ARHGAP18: variants seen among roughly 807,000 people sequenced by gnomAD.
ARHGAP18 encodes the protein rho GTPase-activating protein 18.
A neutral mutation model predicts 86.2 loss-of-function variants in ARHGAP18; 67 were observed. The observed-to-expected ratio is 0.78, with a 90% CI of 0.64 to 0.95. The LOEUF is 0.95. Among genes scored for constraint, ARHGAP18 ranks in the 40% least tolerant of loss-of-function variants. The probability of loss-of-function intolerance (pLI) is 0.00; values close to 1 mark genes in which losing one functional copy is unlikely to be tolerated. For missense variants in ARHGAP18, 691 were observed against 780.4 expected (o/e 0.89, Z 1.37); for synonymous variants, 283 against 280.4 (o/e 1.01, Z -0.09).
chr6:129,614,423 T>C (rs577816748), intron 7 of ARHGAP18, among the ~76,000 whole-genome samples: 1 of 152,216 alleles, frequency 6.6e-6, no homozygotes, highest in South Asian at 2.1e-4. Context: ...TTATTTTTTA[T>C]AGAAACAAAA....
At chr6:129,676,485 C>T (rs1002492544) in intron 1 of ARHGAP18, among the ~76,000 whole-genome samples, 71 of 152,296 alleles carry the variant, frequency 4.7e-4, no homozygotes, top group African/African-American at 1.6e-3. Context: ...TGAGCCCTCA[C>T]ACCCCTGGCA....
chr6:129,702,480 CA>C (rs1021785736), intron 1 of ARHGAP18, among the ~76,000 whole-genome samples: 1 of 152,128 alleles, frequency 6.6e-6, no homozygotes, highest in African/African-American at 2.4e-5. Context: ...CCATCTCTCT[CA>C]AAATATTCGT....
chr6:129,664,425 C>G (rs1774004845), intron 1 of ARHGAP18, among the ~76,000 whole-genome samples: 1 of 150,168 alleles, frequency 6.7e-6, no homozygotes, highest in Non-Finnish European at 1.5e-5. Flanking sequence ...TTTTTTTCAA[C>G]TTTGAAATCC....
At chr6:129,647,789 C>T (rs1287399786) in intron 1 of ARHGAP18, among the ~76,000 whole-genome samples, 4 of 152,002 alleles carry the variant, frequency 2.6e-5, no homozygotes, top group Non-Finnish European at 5.9e-5. Flanking sequence ...CATTAGAATG[C>T]TATTGCACCT....
intron 1 of ARHGAP18, among the ~76,000 whole-genome samples, chr6:129,667,345 A>G (rs747432693): frequency 3.3e-5 from 5 of 152,136 alleles, no homozygotes; most frequent in African/African-American, 4.8e-5. Flanking sequence ...TATTTGGCCC[A>G]TAAGCCAAAA....
At chr6:129,665,421 A>C (rs1278227608) in intron 1 of ARHGAP18, among the ~76,000 whole-genome samples, 1 of 152,074 alleles carries the variant, frequency 6.6e-6, no homozygotes, top group Non-Finnish European at 1.5e-5. Flanking sequence ...GTGGTGGTGC[A>C]TGCCTGTAGT....
chr6:129,644,133 G>A (rs948890104), intron 1 of ARHGAP18, among the ~76,000 whole-genome samples: 7 of 152,182 alleles, frequency 4.6e-5, no homozygotes, highest in African/African-American at 1.7e-4. Context: ...ACAAGCCTAA[G>A]TCTAGACATG....
At chr6:129,686,983 T>TC (rs1562724980) in intron 1 of ARHGAP18, among the ~76,000 whole-genome samples, 13 of 68,460 alleles carry the variant, frequency 1.9e-4, no homozygotes, top group African/African-American at 7.0e-4. Flanking sequence ...TTTTTCTTTT[T>TC]TTTTTTTTTT....
rs188273867 is a variant in ARHGAP18 at position 129,698,666 on chromosome 6, C to G, written c.113+11358G>C. Among the ~76,000 whole-genome samples, 470 of 150,742 alleles carry G rather than the reference C, an allele frequency of 3.1e-3. 1 individual carries two copies. Among genetic ancestry groups the G allele is most frequent in the Non-Finnish European group, 4.9e-3 (329 of 67,774 alleles). ...AAGCCATTCTCCTGCCTCAGCCTCC[C>G]GAGTAGCGTGTACCACCACGCCCAG... is the stretch of plus-strand genomic sequence containing the variant. On this transcript the variant is annotated intron_variant, in intron 1 of 14. Coordinates refer to ENST00000368149, the MANE Select transcript of ARHGAP18 (RefSeq NM_033515.3).
chr6:129,651,221 TA>T (rs1773704687), intron 1 of ARHGAP18, among the ~76,000 whole-genome samples: 1 of 152,158 alleles, frequency 6.6e-6, no homozygotes, highest in Non-Finnish European at 1.5e-5. Flanking sequence ...TAGGAAACTC[TA>T]AAATTAATAA....
intron 5 of ARHGAP18, among the ~76,000 whole-genome samples, chr6:129,625,873 TATATATTTA>T (rs1789439845): frequency 1.6e-5 from 1 of 61,044 alleles, no homozygotes; most frequent in Non-Finnish European, 3.3e-5. Context: ...TATTATATAT[TATATATTTA>T]TATATTATAT....
rs868716377 is a variant in ARHGAP18, at chr6:129,625,413, A to G, written c.786+3940T>C. 8.8e-4 allele frequency among the ~76,000 whole-genome samples: 25 copies of G among 28,542 alleles called. 2 individuals carry two copies. Among genetic ancestry groups the G allele is most frequent in the Non-Finnish European group, 1.3e-3 (23 of 17,904 alleles). The allele number at this position is 28,542 out of a possible 152,430, so 18.7% of individuals were successfully genotyped here. A position where few individuals can be genotyped will look rare whatever the true frequency, so the allele number is the denominator to read the frequency against. On this transcript the variant is annotated intron_variant, in intron 5 of 14. Coordinates refer to ENST00000368149, the MANE Select transcript of ARHGAP18 (RefSeq NM_033515.3). ...TATTTATACATATGTATTATATATT[A>G]TATATAATATATATTATATATAATA... is the stretch of plus-strand genomic sequence containing the variant.
intron 12 of ARHGAP18, among the ~76,000 whole-genome samples, chr6:129,595,310 C>G (rs949039264): frequency 1.3e-5 from 2 of 152,180 alleles, no homozygotes; most frequent in African/African-American, 4.8e-5. Context: ...CATTTGTACA[C>G]TTTCATGGTA....
intron 2 of ARHGAP18, among the ~76,000 whole-genome samples, chr6:129,639,413 G>A (rs1773399823): frequency 6.6e-6 from 1 of 152,124 alleles, no homozygotes; most frequent in Non-Finnish European, 1.5e-5. Context: ...CAAAAGACCT[G>A]GATCTGTACC....
intron 5 of ARHGAP18, among the ~76,000 whole-genome samples, chr6:129,625,013 A>AATATATGT (rs1562695980): frequency 1.3e-5 from 1 of 76,788 alleles, no homozygotes; most frequent in Non-Finnish European, 2.8e-5. Flanking sequence ...TATTTATATA[A>AATATATGT]TATATATGAT....
chr6:129,640,603 A>T (rs1249558438), intron 2 of ARHGAP18, among the ~76,000 whole-genome samples: 1 of 152,068 alleles, frequency 6.6e-6, no homozygotes, highest in Non-Finnish European at 1.5e-5. Flanking sequence ...TTAAGAAAAA[A>T]CCCCAAGTCT....
chr6:129,605,876 C>A lies in ARHGAP18; in HGVS notation c.1365+1G>T. ...ATTTAATGTAAATTAACCAAGCTGA[C>A]CTTCAGTGTGTCCCTGTTTGCATCA... On this transcript the variant is annotated splice_donor_variant, in intron 10 of 14. Transcript: ENST00000368149. LOFTEE classifies it high-confidence loss of function. 1 of 1,612,538 alleles carries A rather than the reference C, an allele frequency of 6.2e-7. No individual in the cohort carries two copies. The highest frequency in any genetic ancestry group is 8.5e-7 in the Non-Finnish European group (1 of 1,178,794).
chr6:129,637,052 T>TTTGTTGTTG (rs547977121), intron 3 of ARHGAP18, among the ~76,000 whole-genome samples: 1 of 151,788 alleles, frequency 6.6e-6, no homozygotes, highest in Admixed American at 6.6e-5. Flanking sequence ...CTTGTACTGT[T>TTTGTTGTTG]TTGTTGTTGT....
intron 5 of ARHGAP18, among the ~76,000 whole-genome samples, chr6:129,619,741 G>C (rs1789188600): frequency 6.6e-6 from 1 of 151,326 alleles, no homozygotes; most frequent in Non-Finnish European, 1.5e-5. Flanking sequence ...AACATGCCAG[G>C]TACCCTTCAC....
Sources: allele counts gnomAD v4.1 joint callset (sites outside exome capture counted in the v4.1 genomes callset), GRCh38; gene constraint gnomAD v4.1.1; transcripts MANE v1.5; gene names NCBI Gene and HGNC (gene_info 2026-07-23, HGNC 2026-07-21).